Variants in RNF19B observed in about 807,000 individuals in gnomAD.
The protein encoded by RNF19B is E3 ubiquitin-protein ligase RNF19B.
A neutral mutation model predicts 65.5 loss-of-function variants in RNF19B; 23 were observed. The ratio of observed to expected loss-of-function variants is 0.35; its 90% CI spans 0.25 to 0.50. The LOEUF is 0.50. Ranked by LOEUF, RNF19B falls within the 20% of genes least tolerant of loss-of-function variation. The probability of loss-of-function intolerance (pLI) is 0.98; values close to 1 mark genes in which losing one functional copy is unlikely to be tolerated. For synonymous variants in RNF19B, 372 were observed against 379.6 expected (o/e 0.98, Z 0.23); for missense variants, 794 against 980.0 (o/e 0.81, Z 2.53).
chr1:32,955,192 T>C (rs1642605961), intron 1 of RNF19B, among the ~76,000 whole-genome samples: 2 of 152,092 alleles, frequency 1.3e-5, no homozygotes, highest in African/African-American at 4.8e-5. Flanking sequence ...ATGCTCAAAA[T>C]ACCTGTGTTG....
intron 1 of RNF19B, among the ~76,000 whole-genome samples, chr1:32,952,179 C>T (rs1642516345): frequency 6.6e-6 from 1 of 151,694 alleles, no homozygotes; most frequent in Non-Finnish European, 1.5e-5. Flanking sequence ...GTTCATTTAC[C>T]AAGAATTAGT....
chr1:32,935,150 T>C (rs1642076902), downstream of RNF19B, among the ~76,000 whole-genome samples: 1 of 151,134 alleles, frequency 6.6e-6, no homozygotes, highest in Non-Finnish European at 1.5e-5. Context: ...TTTTTTATTT[T>C]ATTTTTGAGA....
intron 4 of RNF19B, 120 bp downstream of exon 4, chr1:32,946,282 T>C: frequency 1.3e-6 from 1 of 761,908 alleles, no homozygotes; most frequent in Admixed American, 2.9e-5. Context: ...AGGTTATTTT[T>C]ATCTAAGAAC....
chr1:32,964,768 C>T lies in RNF19B; in HGVS notation c.-83G>A, dbSNP rs1029155055. ...CGCCCCTCAGCCAGCGCCCGGCCGC[C>T]GCCGACGCCGCCACCACCGCCTCAA... On this transcript the variant is annotated 5_prime_UTR_variant, in exon 1 of 9. Transcript: ENST00000235150. The surrounding 1 kb of genome is among the most constrained non-coding windows in gnomAD (Gnocchi z 6.5). 8 of 1,220,778 alleles carry T rather than the reference C, an allele frequency of 6.6e-6. No homozygotes were observed. The highest frequency in any genetic ancestry group is 4.5e-5 in the Admixed American group (1 of 22,246). 75.6% of individuals were successfully genotyped at this position (1,220,778 alleles called of 1,614,324 possible).
chr1:32,956,994 A>G (rs1570118770), intron 1 of RNF19B, among the ~76,000 whole-genome samples: 2 of 152,100 alleles, frequency 1.3e-5, no homozygotes, highest in East Asian at 3.8e-4. Flanking sequence ...CAACTCCAAG[A>G]GCCTCCTTAT....
chr1:32,952,539 G>A (rs1278787155), intron 1 of RNF19B, among the ~76,000 whole-genome samples: 1 of 150,826 alleles, frequency 6.6e-6, no homozygotes, highest in Non-Finnish European at 1.5e-5. Context: ...TCAGGAGTTC[G>A]AGACCAGCCT....
intron 2 of RNF19B, 23 bp downstream of exon 2, chr1:32,949,546 A>G (rs1642440416): frequency 6.2e-7 from 1 of 1,603,742 alleles, no homozygotes; most frequent in Admixed American, 1.7e-5. Flanking sequence ...ATAAAGAGAC[A>G]ATGAGATAAT....
chr1:32,934,960 G>A (rs1642072439), downstream of RNF19B, among the ~76,000 whole-genome samples: 2 of 151,626 alleles, frequency 1.3e-5, no homozygotes, highest in Admixed American at 6.6e-5. Flanking sequence ...AGCCTCCCGA[G>A]TAGCTGGACT....
chr1:32,946,178 T>A (rs1229605164), intron 4 of RNF19B, among the ~76,000 whole-genome samples: 1 of 152,188 alleles, frequency 6.6e-6, no homozygotes, highest in Non-Finnish European at 1.5e-5. Context: ...GGCCCAGCAT[T>A]CTACCTTTAA....
chr1:32,953,547 C>T (rs890597143), intron 1 of RNF19B, among the ~76,000 whole-genome samples: 1 of 151,942 alleles, frequency 6.6e-6, no homozygotes. Flanking sequence ...CAATGTATCC[C>T]CTATGTTATA....
chr1:32,964,201 C>G lies in RNF19B; in HGVS notation c.485G>C (p.Ser162Thr), dbSNP rs534732859. ...GAGTCGCTCGCTGCACTCGGGGCAGCTGATGGGCACCCTGCTCTCGCTTAT... is the reference window on the plus strand; with the variant it reads ...GAGTCGCTCGCTGCACTCGGGGCAGGTGATGGGCACCCTGCTCTCGCTTAT... ...LEISESRVPI[S>T]CPECSERLNP... Residue 162 changes from serine (S) to threonine (T), a missense_variant, in exon 1 of 9, where the codon AGC becomes ACC. Coordinates refer to ENST00000235150, the MANE Select transcript of RNF19B (RefSeq NM_001300826.2). The surrounding 1 kb of genome is among the most constrained non-coding windows in gnomAD (Gnocchi z 6.5). The G allele has an allele frequency of 7.8e-5, 120 of 1,546,676 alleles. No individual in the cohort carries two copies. The African/African-American group carries it at 1.3e-3, about 17-fold the overall frequency.
rs35369089 is a variant in RNF19B, at chr1:32,950,843, C to CT, written c.636-1070dup. 7.2e-3 allele frequency among the ~76,000 whole-genome samples: 981 copies of CT among 135,480 alleles called. 18 individuals are homozygous for CT. In the East Asian group the frequency reaches 0.081, roughly 11 times the overall value. 88.9% of individuals were successfully genotyped at this position (135,480 alleles called of 152,430 possible). A position where few individuals can be genotyped will look rare whatever the true frequency, so the allele number is the denominator to read the frequency against. On this transcript the variant is annotated intron_variant, in intron 1 of 8. Coordinates refer to ENST00000235150, the MANE Select transcript of RNF19B (RefSeq NM_001300826.2). ...TGAGCCACCATGCTACCTTTTCATT[C>CT]TTTTTTTTTTTTTTTTGAGATGGAG...
intron 1 of RNF19B, among the ~76,000 whole-genome samples, chr1:32,958,249 T>C (rs1225881248): frequency 1.3e-5 from 2 of 152,228 alleles, no homozygotes; most frequent in African/African-American, 4.8e-5. Context: ...TTATACTACA[T>C]ATTAGCATAT....
intron 7 of RNF19B, among the ~76,000 whole-genome samples, chr1:32,939,699 T>C (rs569254358): frequency 6.6e-5 from 10 of 152,226 alleles, no homozygotes; most frequent in Non-Finnish European, 1.3e-4. Flanking sequence ...CCCATAACTA[T>C]TGCCTTTCTT....
intron 8 of RNF19B, 63 bp from the exon 9 acceptor site, chr1:32,937,322 G>A: frequency 6.2e-7 from 1 of 1,607,638 alleles, no homozygotes. Context: ...GTTGGTAAAA[G>A]CAGTTCATGG....
chr1:32,943,217 C>T (rs925337732), intron 6 of RNF19B, among the ~76,000 whole-genome samples: 2 of 151,866 alleles, frequency 1.3e-5, no homozygotes, highest in African/African-American at 2.4e-5. Context: ...CCCTACGTTA[C>T]TTACTACGAG....
downstream of RNF19B, among the ~76,000 whole-genome samples, chr1:32,933,414 C>T (rs1030907640): frequency 6.6e-6 from 1 of 152,094 alleles, no homozygotes. Flanking sequence ...ACCACTACGC[C>T]CGGCTAATTT....
chr1:32,937,351 C>A, intron 8 of RNF19B, 92 bp from the exon 9 acceptor site: 5 of 1,591,288 alleles, frequency 3.1e-6, no homozygotes, highest in Non-Finnish European at 4.3e-6. Context: ...TTAGGAATTT[C>A]AAAAAGATAG....
downstream of RNF19B, among the ~76,000 whole-genome samples, chr1:32,933,533 G>A (rs1642054888): frequency 6.6e-6 from 1 of 152,156 alleles, no homozygotes; most frequent in Non-Finnish European, 1.5e-5. Flanking sequence ...GGGATTACAG[G>A]CATGAGCCAC....
Sources: gnomAD v4.1 joint callset for allele counts (sites outside exome capture counted in the v4.1 genomes callset) on GRCh38, gnomAD v4.1.1 for gene constraint, Gnocchi (gnomAD v3.1) non-coding constraint, MANE v1.5 for transcripts, NCBI Gene and HGNC (gene_info 2026-07-23, HGNC 2026-07-21) for gene names.